The following ZBTB40 variants were observed in gnomAD, a reference collection of about 807,000 sequenced individuals.
ZBTB40 encodes zinc finger and BTB domain-containing protein 40.
A neutral mutation model predicts 117.5 loss-of-function variants in ZBTB40; 60 were observed. The ratio of observed to expected loss-of-function variants is 0.51; its 90% CI spans 0.41 to 0.63. The LOEUF is 0.63. Ranked by LOEUF, ZBTB40 falls within the 30% of genes least tolerant of loss-of-function variation. The pLI is 0.00. For synonymous variants in ZBTB40, 525 were observed against 577.1 expected, an observed-to-expected ratio of 0.91 and a Z score of 1.29; for missense variants, 1,287 against 1,498.5, an observed-to-expected ratio of 0.86 and a Z score of 2.33.
At chr1:22,482,814 G>A (rs774285614) in intron 1 of ZBTB40, among the ~76,000 whole-genome samples, 1 of 152,130 alleles carries the variant, frequency 6.6e-6, no homozygotes, top group Non-Finnish European at 1.5e-5. Flanking sequence ...GCTCACGCCT[G>A]TAATCTGTAA....
intron 3 of ZBTB40, among the ~76,000 whole-genome samples, chr1:22,492,225 A>G (rs895028576): frequency 2.0e-5 from 3 of 152,230 alleles, no homozygotes; most frequent in Admixed American, 2.0e-4. Context: ...GCTCCCTTAC[A>G]CACTGAGTTT....
intron 3 of ZBTB40, among the ~76,000 whole-genome samples, chr1:22,500,432 T>C (rs568768254): frequency 1.3e-5 from 2 of 152,236 alleles, no homozygotes; most frequent in South Asian, 4.2e-4. Context: ...GTTAAAGCTA[T>C]ACATGTGAGA....
At chr1:22,525,918 CAG>C (rs2124478031) in intron 17 of ZBTB40, among the ~76,000 whole-genome samples, 1 of 152,360 alleles carries the variant, frequency 6.6e-6, no homozygotes, top group East Asian at 1.9e-4. Flanking sequence ...GTGTGAAAAA[CAG>C]AGCCAGTGTT....
upstream of ZBTB40, among the ~76,000 whole-genome samples, chr1:22,448,874 G>A (rs1029508947): frequency 4.6e-5 from 7 of 151,878 alleles, no homozygotes; most frequent in African/African-American, 1.7e-4. Flanking sequence ...GTGCAGTGGC[G>A]TGATTTCGGC....
chr1:22,441,429 G>C (rs1462712367), intron 1 of ZBTB40, among the ~76,000 whole-genome samples: 1 of 131,238 alleles, frequency 7.6e-6, no homozygotes, highest in African/African-American at 2.8e-5. Context: ...TTGTTTTTCT[G>C]TTCTCTCTTG....
At chr1:22,488,159 A>G (rs760035948) in intron 1 of ZBTB40, among the ~76,000 whole-genome samples, 6 of 152,164 alleles carry the variant, frequency 3.9e-5, no homozygotes, top group Non-Finnish European at 8.8e-5. Flanking sequence ...GTACAAATCC[A>G]TCATTATGTT....
At chr1:22,482,297 C>A (rs1638341563) in intron 1 of ZBTB40, among the ~76,000 whole-genome samples, 1 of 152,072 alleles carries the variant, frequency 6.6e-6, no homozygotes, top group African/African-American at 2.4e-5. Flanking sequence ...TTTATTTCAG[C>A]AAATCTTTAT....
At position 22,490,037 on chromosome 1, in the gene ZBTB40, T is replaced by C. The variant is rs1034283313; in HGVS notation, c.89T>C (p.Ile30Thr). The change falls in exon 2 of 18, where the codon ATT becomes ACT. Residue 30 changes from isoleucine to threonine, a missense_variant. Coordinates refer to ENST00000375647, the MANE Select transcript of ZBTB40 (RefSeq NM_014870.4). Reference sequence around the variant, plus strand: ...CAGTTCTGTGATTGCACCATCTCCATTGGTACCATTTACTTCAGGGCTCAC... The same window carrying C: ...CAGTTCTGTGATTGCACCATCTCCACTGGTACCATTTACTTCAGGGCTCAC... ...EQQFCDCTISIGTIYFRAHKL... is the reference protein window; with the variant it reads ...EQQFCDCTISTGTIYFRAHKL... 7 of 1,613,470 alleles carry C rather than the reference T, an allele frequency of 4.3e-6. No homozygotes were observed. Among genetic ancestry groups the C allele is most frequent in the Non-Finnish European group, 5.9e-6 (7 of 1,179,756 alleles).
intron 1 of ZBTB40, among the ~76,000 whole-genome samples, chr1:22,465,955 C>T (rs1216900577): frequency 6.6e-6 from 1 of 152,206 alleles, no homozygotes; most frequent in Non-Finnish European, 1.5e-5. Context: ...CCATTATAAC[C>T]ATCACCACTT....
chr1:22,519,980 A>G, intron 13 of ZBTB40, 81 bp from the exon 14 acceptor site: 1 of 1,244,888 alleles, frequency 8.0e-7, no homozygotes, highest in Admixed American at 1.7e-5. Flanking sequence ...GTACACAACA[A>G]CCAGTGTTTC....
Position 22,511,283 on chromosome 1 carries a change from C to T in ZBTB40, c.1938C>T (p.Leu646=), listed in dbSNP as rs1639224709. The T allele has an allele frequency of 1.3e-5, 21 of 1,614,118 alleles. No homozygotes were observed. Among genetic ancestry groups the T allele is most frequent in the Non-Finnish European group, 1.8e-5 (21 of 1,180,036 alleles). Reference sequence around the variant, plus strand: ...TCCCGGCCATTGAAATATGCCACCTCCTGTGCAGTGTCCACAAATCTTTTC... The same window carrying T: ...TCCCGGCCATTGAAATATGCCACCTTCTGTGCAGTGTCCACAAATCTTTTC... ...KSVPAIEICH[L]LCSVHKSFPG... Residue 646 remains leucine (L), a synonymous_variant, in exon 10 of 18, where the codon CTC becomes CTT. Transcript: ENST00000375647.
chr1:22,509,037 G>T, intron 8 of ZBTB40, 63 bp from the exon 9 acceptor site: 2 of 1,613,148 alleles, frequency 1.2e-6, no homozygotes, highest in Non-Finnish European at 1.7e-6. Context: ...AGTGGAGGAA[G>T]GGTGTAGGAA....
At chr1:22,522,512 C>T in intron 16 of ZBTB40, 49 bp downstream of exon 16, 1 of 1,562,754 alleles carries the variant, frequency 6.4e-7, no homozygotes, top group Non-Finnish European at 8.8e-7. Flanking sequence ...GGGCCTGAAT[C>T]TCCCCTCCAC....
intron 1 of ZBTB40, among the ~76,000 whole-genome samples, chr1:22,430,292 A>G (rs1425642952): frequency 6.6e-6 from 1 of 152,164 alleles, no homozygotes; most frequent in Non-Finnish European, 1.5e-5. Flanking sequence ...TTATCTGGTT[A>G]TAATATCAAC....
intron 13 of ZBTB40, among the ~76,000 whole-genome samples, chr1:22,518,288 A>T (rs1639428849): frequency 6.6e-6 from 1 of 152,048 alleles, no homozygotes; most frequent in Non-Finnish European, 1.5e-5. Flanking sequence ...GCCTTAAACA[A>T]ATTTATTTAC....
chr1:22,467,790 T>C (rs1641292521), intron 1 of ZBTB40, among the ~76,000 whole-genome samples: 1 of 151,416 alleles, frequency 6.6e-6, no homozygotes, highest in African/African-American at 2.4e-5. Context: ...TTTTTTTTTT[T>C]TTTTTCCTGA....
chr1:22,524,366 G>C lies in ZBTB40; in HGVS notation c.3447G>C (p.Gln1149His), dbSNP rs747773517. ...LCGELFTSQA[Q>H]LDSHLESEHP... ...GGGAACTCTTCACCTCCCAGGCCCA[G>C]CTTGACAGTCACCTGGAATCTGAGC... Residue 1149 changes from glutamine to histidine, a missense_variant, in exon 17 of 18, where the codon CAG becomes CAC. Around this residue, in one of 2 missense-constraint regions of ZBTB40, gnomAD observed 417 missense variants for 564.1 expected, o/e 0.74. Transcript: ENST00000375647. The C allele has an allele frequency of 3.7e-6, 6 of 1,614,182 alleles. No homozygotes were observed. In the South Asian group the frequency reaches 6.6e-5, roughly 18 times the overall value.
chr1:22,490,366 G>C lies in ZBTB40; in HGVS notation c.418G>C (p.Glu140Gln). ...SAPSSETFRK[E>Q]PEKPQVEILS... Reference sequence around the variant, plus strand: ...GCCATCCTCAGAGACATTCAGAAAGGAACCAGAGAAGCCTCAAGTAGAAAT... The same window carrying C: ...GCCATCCTCAGAGACATTCAGAAAGCAACCAGAGAAGCCTCAAGTAGAAAT... Residue 140 changes from glutamate to glutamine, a missense_variant, in exon 2 of 18, where the codon GAA becomes CAA. By Grantham distance (29) the Glu-to-Gln change is conservative (BLOSUM62 2). This residue lies in a region of ZBTB40 where 870 missense variants were observed against 934.4 expected (regional missense o/e 0.93). Transcript: ENST00000375647. 1 of 1,614,090 alleles carries C rather than the reference G, an allele frequency of 6.2e-7. No homozygotes were observed. Among genetic ancestry groups the C allele is most frequent in the South Asian group, 1.1e-5 (1 of 91,076 alleles).
chr1:22,486,935 A>G (rs1212064790), intron 1 of ZBTB40, among the ~76,000 whole-genome samples: 1 of 152,048 alleles, frequency 6.6e-6, no homozygotes, highest in East Asian at 1.9e-4. Context: ...AGGTTTTGCC[A>G]TGTTGACCAG....
Sources: allele counts gnomAD v4.1 joint callset (sites outside exome capture counted in the v4.1 genomes callset), GRCh38; gene constraint gnomAD v4.1.1; regional missense constraint gnomAD v4.1.1; transcripts MANE v1.5; gene names NCBI Gene and HGNC (gene_info 2026-07-23, HGNC 2026-07-21).